The following NCAM2 variants were observed in gnomAD, a reference collection of about 807,000 sequenced individuals.
NCAM2 encodes N-CAM-2.
A neutral mutation model predicts 98.1 loss-of-function variants in NCAM2; 30 were observed. The observed-to-expected ratio is 0.31, with a 90% CI of 0.23 to 0.41. The LOEUF is 0.41. NCAM2 is among the 10% of genes least tolerant of loss of function. The pLI, the probability that NCAM2 is intolerant of heterozygous loss-of-function variation, is 1.00. For missense variants in NCAM2, 867 were observed against 1,005.8 expected (o/e 0.86, Z 1.87); for synonymous variants, 368 against 342.4 (o/e 1.07, Z -0.83).
intron 1 of NCAM2, among the ~76,000 whole-genome samples, chr21:21,029,046 C>A (rs1263689562): frequency 6.6e-6 from 1 of 152,044 alleles, no homozygotes; most frequent in Non-Finnish European, 1.5e-5. Flanking sequence ...GAAATGTGGA[C>A]TTAGAATGAA....
intron 1 of NCAM2, among the ~76,000 whole-genome samples, chr21:21,052,992 T>C: frequency 6.6e-6 from 1 of 152,138 alleles, no homozygotes; most frequent in East Asian, 1.9e-4. Flanking sequence ...TCTTACCACT[T>C]GTTTATGCTT....
intron 12 of NCAM2, among the ~76,000 whole-genome samples, chr21:21,433,678 G>T (rs940753903): frequency 6.6e-6 from 1 of 150,942 alleles, no homozygotes; most frequent in Non-Finnish European, 1.5e-5. Context: ...GGGAGGTGGA[G>T]CTTGCAGTGA....
chr21:21,503,642 T>C (rs972590518), intron 15 of NCAM2, among the ~76,000 whole-genome samples: 1 of 151,948 alleles, frequency 6.6e-6, no homozygotes, highest in African/African-American at 2.4e-5. Context: ...CTACTGTATA[T>C]AAGACATTTG....
At chr21:21,168,729 A>G (rs2068030786) in intron 1 of NCAM2, among the ~76,000 whole-genome samples, 1 of 152,206 alleles carries the variant, frequency 6.6e-6, no homozygotes, top group Non-Finnish European at 1.5e-5. Flanking sequence ...TAGAGTATAA[A>G]TCTAAAAAAG....
chr21:21,337,440 T>C (rs967563898), intron 7 of NCAM2, among the ~76,000 whole-genome samples: 4 of 152,050 alleles, frequency 2.6e-5, no homozygotes, highest in African/African-American at 9.7e-5. Flanking sequence ...AAAGAGTGAA[T>C]TGTTAAAAAT....
chr21:21,266,883 T>C (rs1258888544), intron 1 of NCAM2, among the ~76,000 whole-genome samples: 1 of 152,060 alleles, frequency 6.6e-6, no homozygotes, highest in African/African-American at 2.4e-5. Context: ...AAAATAATAA[T>C]AATTATGCCC....
At chr21:21,064,060 A>T (rs1191889899) in intron 1 of NCAM2, among the ~76,000 whole-genome samples, 2 of 152,166 alleles carry the variant, frequency 1.3e-5, no homozygotes, top group African/African-American at 4.8e-5. Context: ...GGGGATACAG[A>T]TCTTAAGTAG....
At chr21:21,352,675 T>G (rs931063676) in intron 8 of NCAM2, among the ~76,000 whole-genome samples, 5 of 151,522 alleles carry the variant, frequency 3.3e-5, no homozygotes, top group African/African-American at 1.2e-4. Context: ...GAAATGAGAT[T>G]ACATGTAACA....
intron 1 of NCAM2, among the ~76,000 whole-genome samples, chr21:21,092,756 G>A (rs1039650369): frequency 1.3e-5 from 2 of 151,824 alleles, no homozygotes; most frequent in South Asian, 2.1e-4. Flanking sequence ...ATTACATACC[G>A]TAGACGTGTT....
In NCAM2 at chr21:21,374,098, A is replaced by G. The variant is rs1239316277; in HGVS notation, c.1195+85A>G. ...TTTTTCAATAAAGACCAAAATATATATGTAGTTCACATTTCAGTACTTAAT... is the reference window on the plus strand; with the variant it reads ...TTTTTCAATAAAGACCAAAATATATGTGTAGTTCACATTTCAGTACTTAAT... On this transcript the variant is annotated intron_variant, in intron 9 of 17. Transcript: ENST00000400546. 1.4e-5 allele frequency: 18 copies of G among 1,322,260 alleles called. No individual in the cohort carries two copies. In the Middle Eastern group the frequency reaches 6.0e-4, roughly 44 times the overall value. The allele number at this position is 1,322,260 out of a possible 1,614,324, so 81.9% of individuals were successfully genotyped here.
At chr21:21,265,140 T>C (rs1252983652) in intron 1 of NCAM2, among the ~76,000 whole-genome samples, 1 of 119,732 alleles carries the variant, frequency 8.4e-6, no homozygotes, top group African/African-American at 3.2e-5. Context: ...TATACATATA[T>C]AATATATATA....
At chr21:21,307,012 C>A (rs1001462923) in intron 5 of NCAM2, among the ~76,000 whole-genome samples, 3 of 152,024 alleles carry the variant, frequency 2.0e-5, no homozygotes, top group Non-Finnish European at 2.9e-5. Context: ...CATGTGGTTG[C>A]AAATAAGCAT....
chr21:21,371,297 GT>G (rs1471727826), intron 8 of NCAM2, among the ~76,000 whole-genome samples: 1 of 151,758 alleles, frequency 6.6e-6, no homozygotes, highest in African/African-American at 2.4e-5. Flanking sequence ...GAGAGTGTTG[GT>G]TTTTCTGTCT....
intron 10 of NCAM2, among the ~76,000 whole-genome samples, chr21:21,416,494 G>GAAA (rs548650184): frequency 3.0e-5 from 4 of 132,800 alleles, no homozygotes; most frequent in Non-Finnish European, 6.5e-5. Context: ...TTCAATTTGT[G>GAAA]AAAAAAAAAA....
chr21:21,352,205 C>T (rs1054862602), intron 8 of NCAM2, among the ~76,000 whole-genome samples: 3 of 152,152 alleles, frequency 2.0e-5, no homozygotes, highest in South Asian at 2.1e-4. Context: ...AGCAGGACTA[C>T]AGGCACATGC....
intron 7 of NCAM2, among the ~76,000 whole-genome samples, chr21:21,337,384 A>T (rs2074900922): frequency 6.6e-6 from 1 of 152,132 alleles, no homozygotes; most frequent in Non-Finnish European, 1.5e-5. Context: ...ACAAAATTGT[A>T]TGCATATTGT....
intron 15 of NCAM2, among the ~76,000 whole-genome samples, chr21:21,482,047 A>G (rs1985935965): frequency 6.6e-6 from 1 of 152,004 alleles, no homozygotes; most frequent in Admixed American, 6.6e-5. Flanking sequence ...GCAATGAGCC[A>G]AGATCGCGCC....
chr21:21,279,060 A>G (rs915169798), intron 1 of NCAM2, among the ~76,000 whole-genome samples: 3 of 152,150 alleles, frequency 2.0e-5, no homozygotes, highest in Admixed American at 2.0e-4. Context: ...GTATGAGCCT[A>G]TGATATGGTT....
chr21:21,049,885 T>A lies in NCAM2; in HGVS notation c.55+51267T>A, dbSNP rs552202131. Among the ~76,000 whole-genome samples the A allele has an allele frequency of 5.6e-3, 834 of 148,756 alleles. 10 individuals are homozygous for A. Among genetic ancestry groups the A allele is most frequent in the African/African-American group, 0.019 (773 of 40,834 alleles). ...AAACTCCATCTCAAAAAAAAAAAAA[T>A]TGTTAATATTACATCATTATGCATA... On this transcript the variant is annotated intron_variant, in intron 1 of 17. Coordinates refer to ENST00000400546, the MANE Select transcript of NCAM2 (RefSeq NM_004540.5).
Sources: gnomAD v4.1 joint callset for allele counts (sites outside exome capture counted in the v4.1 genomes callset) on GRCh38, gnomAD v4.1.1 for gene constraint, MANE v1.5 for transcripts, NCBI Gene and HGNC (gene_info 2026-07-23, HGNC 2026-07-21) for gene names.